The following TPO variants were observed in gnomAD, a reference collection of about 807,000 sequenced individuals.
TPO encodes thyroid microsomal antigen.
A neutral mutation model predicts 96.9 loss-of-function variants in TPO; 78 were observed. The ratio of observed to expected loss-of-function variants is 0.81; its 90% CI spans 0.67 to 0.97. The LOEUF is 0.97. TPO is among the 50% of genes least tolerant of loss of function. The pLI, the probability that TPO is intolerant of heterozygous loss-of-function variation, is 0.00. For synonymous variants in TPO, 547 were observed against 538.0 expected, an observed-to-expected ratio of 1.02 and a Z score of -0.23; for missense variants, 1,252 against 1,274.8, an observed-to-expected ratio of 0.98 and a Z score of 0.27.
intron 8 of TPO, among the ~76,000 whole-genome samples, chr2:1,478,943 A>G (rs1319030672): frequency 2.0e-5 from 3 of 152,224 alleles, no homozygotes; most frequent in African/African-American, 7.2e-5. Flanking sequence ...ACACACATCC[A>G]CACAGTAGCG....
chr2:1,423,081 A>G lies in TPO; in HGVS notation c.131A>G (p.Glu44Gly), dbSNP rs1663944805. The change falls in exon 3 of 17, where the codon GAG becomes GGG. Residue 44 changes from glutamate (E) to glycine (G), a missense_variant. Glu to Gly is a moderately conservative substitution (Grantham distance 98). Coordinates refer to ENST00000329066, the MANE Select transcript of TPO (RefSeq NM_001206744.2). ...PEESRVSSVL[E>G]ESKRLVDTAM... The stretch of plus-strand genomic sequence containing the variant: ...GAGTCTCGTGTCTCTAGCGTCTTGG[A>G]GGAAAGCAAGCGCCTGGTGGACACC... The G allele has an allele frequency of 6.2e-7, 1 of 1,614,054 alleles. No individual in the cohort carries two copies. Among genetic ancestry groups the G allele is most frequent in the South Asian group, 1.1e-5 (1 of 91,088 alleles).
intron 1 of TPO, among the ~76,000 whole-genome samples, chr2:1,379,884 T>C (rs1330997564): frequency 1.3e-5 from 2 of 152,330 alleles, no homozygotes; most frequent in African/African-American, 4.8e-5. Flanking sequence ...GGCAGGCATG[T>C]GTCCTGTAGA....
chr2:1,480,794 T>TTCC (rs1553316771), intron 8 of TPO, among the ~76,000 whole-genome samples: 2 of 144,076 alleles, frequency 1.4e-5, no homozygotes, highest in Admixed American at 6.9e-5. Flanking sequence ...CCACACCACC[T>TTCC]TCCTCCTGCT....
At chr2:1,374,542 C>T (rs1256406048) in intron 1 of TPO, 5 of 152,168 alleles carry the variant, frequency 3.3e-5, no homozygotes, top group Non-Finnish European at 7.3e-5. Flanking sequence ...AAACCGTGGT[C>T]ACTGTGTTTA....
rs780342977 is a variant in TPO, at chr2:1,436,375, G to A, written c.473G>A (p.Cys158Tyr). The A allele has an allele frequency of 6.2e-7, 1 of 1,614,188 alleles. No individual in the cohort carries two copies. The change falls in exon 5 of 17, where the codon TGC becomes TAC. Residue 158 changes from cysteine to tyrosine, a missense_variant. Physicochemically the swap from Cys to Tyr is radical, Grantham distance 194. Transcript: ENST00000329066. ...AAATACAGGCCCATCACAGGAGCTT[G>A]CAACAACAGGTATTGTTTGTGGATT... ...ANKYRPITGA[C>Y]NNRDHPRWGA...
At chr2:1,471,060 G>A (rs988874227) in intron 7 of TPO, among the ~76,000 whole-genome samples, 5 of 152,160 alleles carry the variant, frequency 3.3e-5, no homozygotes, top group Non-Finnish European at 5.9e-5. Flanking sequence ...GCTCTTTTCC[G>A]ATGCTGCACC....
At chr2:1,531,187 C>T (rs151274263) in intron 15 of TPO, among the ~76,000 whole-genome samples, 50 of 99,092 alleles carry the variant, frequency 5.0e-4, no homozygotes, top group South Asian at 6.9e-4. Flanking sequence ...AGCAACCTCC[C>T]CAAATCCCCA....
rs1334314446 is a variant in TPO at position 1,494,050 on chromosome 2, A to G, written c.2006+11A>G. On this transcript the variant is annotated intron_variant, in intron 11 of 16. Transcript: ENST00000329066. ...GCGGGACGGTGACTGGTACGTTCCT[A>G]TCCAGAGCGTCTTCCTTCACGTTCT... 1 of 1,613,030 alleles carries G rather than the reference A, an allele frequency of 6.2e-7. No homozygotes were observed. Among genetic ancestry groups the G allele is most frequent in the East Asian group, 2.2e-5 (1 of 44,866 alleles).
At chr2:1,465,703 C>T (rs955152712) in intron 7 of TPO, among the ~76,000 whole-genome samples, 6 of 151,964 alleles carry the variant, frequency 3.9e-5, no homozygotes, top group African/African-American at 1.2e-4. Context: ...AGCTTGGTTG[C>T]TGTTGGCGTA....
chr2:1,452,512 G>T (rs531558913), intron 5 of TPO, among the ~76,000 whole-genome samples: 2 of 152,328 alleles, frequency 1.3e-5, no homozygotes, highest in Admixed American at 1.3e-4. Flanking sequence ...CAGTTCAGCA[G>T]CAACCCTGTG....
chr2:1,530,473 A>G (rs1465686749), intron 15 of TPO, among the ~76,000 whole-genome samples: 7 of 145,440 alleles, frequency 4.8e-5, no homozygotes, highest in Non-Finnish European at 9.0e-5. Flanking sequence ...ACTGTGTGCA[A>G]CATCCTCAAA....
At chr2:1,489,177 C>A (rs1361010741) in intron 10 of TPO, among the ~76,000 whole-genome samples, 2 of 149,254 alleles carry the variant, frequency 1.3e-5, no homozygotes, top group Admixed American at 6.7e-5. Context: ...CACCTGCACA[C>A]GCCTGCACAT....
At chr2:1,433,646 C>G (rs1441902448) in intron 4 of TPO, 39 bp downstream of exon 4, 1 of 1,599,510 alleles carries the variant, frequency 6.3e-7, no homozygotes, top group East Asian at 2.3e-5. Flanking sequence ...AGCGGCAACT[C>G]CCGAAGGAGG....
intron 1 of TPO, 27 bp from the exon 2 acceptor site, chr2:1,414,381 T>C (rs1322137737): frequency 1.2e-6 from 2 of 1,604,056 alleles, no homozygotes; most frequent in East Asian, 4.5e-5. Flanking sequence ...CTTGATTACA[T>C]ACTCTGTCTC....
chr2:1,484,745 G>T lies in TPO; in HGVS notation c.1488G>T (p.Thr496=). 1 of 1,614,018 alleles carries T rather than the reference G, an allele frequency of 6.2e-7. No individual in the cohort carries two copies. The highest frequency in any genetic ancestry group is 8.5e-7 in the Non-Finnish European group (1 of 1,180,024). The change falls in exon 9 of 17, where the codon ACG becomes ACT. Residue 496 remains threonine, a synonymous_variant. Transcript: ENST00000329066. ...STAAFRFGHA[T]IHPLVRRLDA... is the part of the protein sequence containing the mutation. ...CCGCCTTCCGCTTCGGCCATGCCAC[G>T]ATCCACCCGCTGGTGAGGAGGCTGG...
intron 3 of TPO, among the ~76,000 whole-genome samples, chr2:1,432,138 A>T (rs1480978880): frequency 6.6e-6 from 1 of 152,222 alleles, no homozygotes; most frequent in Non-Finnish European, 1.5e-5. Flanking sequence ...CGCTGTGGTC[A>T]CTCTGCTTCT....
Position 1,506,583 on chromosome 2 carries a change from G to A in TPO, c.2518+2504G>A, listed in dbSNP as rs557411249. 5.4e-4 allele frequency among the ~76,000 whole-genome samples: 82 copies of A among 152,280 alleles called. 2 individuals carry two copies. The highest frequency in any genetic ancestry group is 1.8e-3 in the African/African-American group (75 of 41,546). On this transcript the variant is annotated intron_variant, in intron 14 of 16. Coordinates refer to ENST00000329066, the MANE Select transcript of TPO (RefSeq NM_001206744.2). ...TTTTTAATGATTGTCATTCCAACTG[G>A]TGTGAGATGGTATCTCATTGTGGTT...
At chr2:1,468,217 T>C (rs760358266) in intron 7 of TPO, among the ~76,000 whole-genome samples, 9 of 152,086 alleles carry the variant, frequency 5.9e-5, no homozygotes, top group Non-Finnish European at 1.3e-4. Flanking sequence ...TATCATTCCA[T>C]TCATTGTGCT....
chr2:1,534,935 G>A (rs10208039), intron 15 of TPO, among the ~76,000 whole-genome samples: 35,480 of 47,996 alleles, frequency 0.74, 11,684 homozygotes, highest in African/African-American at 0.79. Context: ...AATGTGTGCA[G>A]TCTCCTCAAA....
Sources: allele counts gnomAD v4.1 joint callset (sites outside exome capture counted in the v4.1 genomes callset), GRCh38; gene constraint gnomAD v4.1.1; transcripts MANE v1.5; gene names NCBI Gene and HGNC (gene_info 2026-07-23, HGNC 2026-07-21).